Variants in PRKAR1B observed in about 807,000 individuals in gnomAD.
The protein encoded by PRKAR1B is protein kinase cAMP-dependent type I regulatory subunit beta, also known as cAMP-dependent protein kinase type I-beta regulatory subunit.
A neutral mutation model predicts 46.5 loss-of-function variants in PRKAR1B; 22 were observed. The observed-to-expected ratio is 0.47, with a 90% CI of 0.34 to 0.68. The LOEUF (loss-of-function observed/expected upper bound fraction) is 0.68. Ranked by LOEUF, PRKAR1B falls within the 30% of genes least tolerant of loss-of-function variation. The pLI, the probability that PRKAR1B is intolerant of heterozygous loss-of-function variation, is 0.01. For synonymous variants in PRKAR1B, 259 were observed against 217.7 expected (o/e 1.19, Z -1.67); for missense variants, 445 against 535.6 (o/e 0.83, Z 1.67).
intron 4 of PRKAR1B, among the ~76,000 whole-genome samples, chr7:614,617 T>A (rs1297075887): frequency 1.3e-5 from 2 of 151,916 alleles, no homozygotes; most frequent in Admixed American, 6.6e-5. Flanking sequence ...AGTAAAAAAA[T>A]TGGCTGGGCG....
intron 4 of PRKAR1B, among the ~76,000 whole-genome samples, chr7:639,336 G>A (rs1407191739): frequency 6.6e-6 from 1 of 152,192 alleles, no homozygotes; most frequent in Non-Finnish European, 1.5e-5. Context: ...AATGGGGAAA[G>A]AAAGAGTGCT....
At chr7:660,622 C>G (rs183994718) in intron 4 of PRKAR1B, among the ~76,000 whole-genome samples, 3 of 115,466 alleles carry the variant, frequency 2.6e-5, no homozygotes, top group East Asian at 2.9e-4. Context: ...CTCTCCCCCC[C>G]ATAGCACAAG....
chr7:558,373 G>C (rs1023832922), intron 9 of PRKAR1B, among the ~76,000 whole-genome samples: 2 of 149,768 alleles, frequency 1.3e-5, no homozygotes, highest in Non-Finnish European at 3.0e-5. Context: ...AGGAGGAGGA[G>C]GAGAAGAAGA....
rs1376834960 is a variant in PRKAR1B at position 662,889 on chromosome 7, G to T, written c.440+14340C>A. ...GGCTCTCACCCTCGGAGCGGCCACAGCAGGGGCCTTCCAGAAGCACCACCC... is the reference window on the plus strand; with the variant it reads ...GGCTCTCACCCTCGGAGCGGCCACATCAGGGGCCTTCCAGAAGCACCACCC... On this transcript the variant is annotated intron_variant, in intron 4 of 10. Coordinates refer to ENST00000537384, the MANE Select transcript of PRKAR1B (RefSeq NM_001164760.2). Among the ~76,000 whole-genome samples the T allele has an allele frequency of 5.3e-5, 8 of 152,334 alleles. No homozygotes were observed. The East Asian group carries it at 1.5e-3, about 29-fold the overall frequency.
intron 2 of PRKAR1B, among the ~76,000 whole-genome samples, chr7:684,034 C>T (rs1302675837): frequency 6.6e-6 from 1 of 151,190 alleles, no homozygotes; most frequent in Non-Finnish European, 1.5e-5. Flanking sequence ...TGCCCACCTC[C>T]ACACGTGTGC....
chr7:616,871 C>A (rs1002587605), intron 4 of PRKAR1B, among the ~76,000 whole-genome samples: 1 of 152,132 alleles, frequency 6.6e-6, no homozygotes, highest in Non-Finnish European at 1.5e-5. Context: ...TGAAGCGCCT[C>A]GGGCCCTTTA....
intron 4 of PRKAR1B, among the ~76,000 whole-genome samples, chr7:612,904 G>C (rs1782607502): frequency 6.6e-6 from 1 of 152,160 alleles, no homozygotes; most frequent in Non-Finnish European, 1.5e-5. Context: ...AGCAACAGAG[G>C]CTTTATTAAA....
In PRKAR1B at chr7:672,501, C is replaced by T. The variant is rs117831143; in HGVS notation, c.440+4728G>A. On this transcript the variant is annotated intron_variant, in intron 4 of 10. Coordinates refer to ENST00000537384, the MANE Select transcript of PRKAR1B (RefSeq NM_001164760.2). ...GTGCAAAGCTGTGCTCCACCCACCG[C>T]ACTGTTCCCACATGTGGGAATATTT... Among the ~76,000 whole-genome samples, 1,464 of 152,210 alleles carry T rather than the reference C, an allele frequency of 9.6e-3. 10 individuals carry two copies. The highest frequency in any genetic ancestry group is 0.016 in the Non-Finnish European group (1,065 of 68,026).
chr7:711,808 T>C (rs1438061776), intron 1 of PRKAR1B, among the ~76,000 whole-genome samples: 3 of 151,856 alleles, frequency 2.0e-5, no homozygotes, highest in Non-Finnish European at 4.4e-5. Context: ...GAGAAGCCCC[T>C]TCTGCAGTTC....
chr7:716,131 T>G (rs1425397362), intron 1 of PRKAR1B, among the ~76,000 whole-genome samples: 1 of 151,818 alleles, frequency 6.6e-6, no homozygotes, highest in Non-Finnish European at 1.5e-5. Context: ...CACTGCAGCC[T>G]CAAATTCCTG....
chr7:654,432 TATCACCATCATC>T (rs1785082182), intron 4 of PRKAR1B, among the ~76,000 whole-genome samples: 1 of 150,032 alleles, frequency 6.7e-6, no homozygotes, highest in Non-Finnish European at 1.5e-5. Flanking sequence ...TCTTCACTAC[TATCACCATCATC>T]ATCACCATCT....
chr7:591,475 G>C (rs1583262746), intron 7 of PRKAR1B, among the ~76,000 whole-genome samples: 4 of 152,344 alleles, frequency 2.6e-5, no homozygotes, highest in African/African-American at 9.6e-5. Flanking sequence ...GTCGGCTCGG[G>C]GGGCACGGGG....
At chr7:699,413 G>A (rs113222555) in intron 2 of PRKAR1B, among the ~76,000 whole-genome samples, 5,119 of 152,256 alleles carry the variant, frequency 0.034, 119 homozygotes, top group Middle Eastern at 0.058. Flanking sequence ...CCCAACGCAG[G>A]AACAGCCGGG....
intron 6 of PRKAR1B, among the ~76,000 whole-genome samples, 193 bp downstream of exon 6, chr7:606,000 T>C (rs879407800): frequency 5.9e-5 from 9 of 152,200 alleles, no homozygotes; most frequent in Admixed American, 1.3e-4. Flanking sequence ...GCATCACCCT[T>C]GTTTCCCTCT....
intron 4 of PRKAR1B, among the ~76,000 whole-genome samples, chr7:632,120 G>C (rs1050433730): frequency 6.6e-6 from 1 of 152,154 alleles, no homozygotes; most frequent in Non-Finnish European, 1.5e-5. Context: ...CTGCGCACAC[G>C]CAACAGAGCC....
intron 10 of PRKAR1B, among the ~76,000 whole-genome samples, chr7:550,839 T>C (rs1784138885): frequency 6.6e-6 from 1 of 152,186 alleles, no homozygotes; most frequent in South Asian, 2.1e-4. Flanking sequence ...TGTCCTGCAC[T>C]TTTTTGGGCA....
chr7:684,868 T>TCACACAGACA (rs1778915199), intron 2 of PRKAR1B, among the ~76,000 whole-genome samples: 1 of 130,764 alleles, frequency 7.6e-6, no homozygotes, highest in Non-Finnish European at 1.6e-5. Context: ...TCCACCCACT[T>TCACACAGACA]CACACAGACA....
chr7:554,926 T>G (rs1364107752), intron 9 of PRKAR1B, among the ~76,000 whole-genome samples: 1 of 152,196 alleles, frequency 6.6e-6, no homozygotes, highest in East Asian at 1.9e-4. Flanking sequence ...CCAGCCTTGC[T>G]CTTGCTTCCT....
intron 2 of PRKAR1B, chr7:691,497 A>AG (rs1475472063): frequency 1.5e-6 from 2 of 1,304,380 alleles, no homozygotes; most frequent in Non-Finnish European, 2.0e-6. Context: ...AGCGCACCAC[A>AG]GCCATCCAGG....
Sources: gnomAD v4.1 joint callset for allele counts (sites outside exome capture counted in the v4.1 genomes callset) on GRCh38, gnomAD v4.1.1 for gene constraint, MANE v1.5 for transcripts, NCBI Gene and HGNC (gene_info 2026-07-23, HGNC 2026-07-21) for gene names.